Variants in SHISA6 observed in about 807,000 individuals in gnomAD.
The protein encoded by SHISA6 is shisa family member 6, also known as protein shisa-6.
In SHISA6, 22 loss-of-function variants were observed where a neutral mutation model predicts 47.9. That is an observed-to-expected ratio of 0.46 (90% confidence interval 0.33 to 0.66). SHISA6 has a LOEUF of 0.66. SHISA6 is among the 30% of genes least tolerant of loss of function. The probability of loss-of-function intolerance (pLI) is 0.02; values close to 1 mark genes in which losing one functional copy is unlikely to be tolerated. For missense variants in SHISA6, 680 were observed against 764.6 expected, an observed-to-expected ratio of 0.89 and a Z score of 1.30; for synonymous variants, 388 against 337.8, an observed-to-expected ratio of 1.15 and a Z score of -1.63.
At chr17:11,332,744 CA>C (rs1230548920) in intron 2 of SHISA6, among the ~76,000 whole-genome samples, 5 of 152,120 alleles carry the variant, frequency 3.3e-5, no homozygotes, top group Non-Finnish European at 7.3e-5. Flanking sequence ...GGTTGGGGAG[CA>C]TCTAGATGAT....
chr17:11,481,017 G>A (rs1354822967), intron 3 of SHISA6, among the ~76,000 whole-genome samples: 1 of 152,106 alleles, frequency 6.6e-6, no homozygotes, highest in Admixed American at 6.6e-5. Context: ...GGTGGCTTAT[G>A]CCTATAATCC....
At chr17:11,459,027 C>T (rs765303946) in intron 3 of SHISA6, among the ~76,000 whole-genome samples, 4 of 150,122 alleles carry the variant, frequency 2.7e-5, no homozygotes, top group Non-Finnish European at 4.4e-5. Flanking sequence ...CTGGCTAACA[C>T]GGTGAAACCC....
intron 2 of SHISA6, among the ~76,000 whole-genome samples, chr17:11,361,389 T>G (rs1334896928): frequency 1.3e-5 from 2 of 152,170 alleles, no homozygotes; most frequent in Non-Finnish European, 2.9e-5. Flanking sequence ...ATTTAGAAAA[T>G]TTTTAGGGCA....
At chr17:11,270,916 C>T (rs892331574) in intron 2 of SHISA6, among the ~76,000 whole-genome samples, 5 of 152,188 alleles carry the variant, frequency 3.3e-5, no homozygotes, top group Non-Finnish European at 5.9e-5. Flanking sequence ...CCCCTCTTTC[C>T]TTCCCTGAGG....
chr17:11,379,015 C>T (rs78760523), intron 2 of SHISA6, among the ~76,000 whole-genome samples: 7,309 of 151,752 alleles, frequency 0.048, 311 homozygotes, highest in African/African-American at 0.099. Context: ...AAAATCAAGC[C>T]GTGTATCTCG....
At chr17:11,539,045 A>G (rs769538849) in intron 3 of SHISA6, among the ~76,000 whole-genome samples, 8 of 152,152 alleles carry the variant, frequency 5.3e-5, no homozygotes, top group African/African-American at 9.7e-5. Flanking sequence ...GGTTCAAACA[A>G]TTCTCCTGTC....
intron 3 of SHISA6, among the ~76,000 whole-genome samples, chr17:11,542,433 C>G (rs1369377675): frequency 6.6e-6 from 1 of 150,812 alleles, no homozygotes; most frequent in African/African-American, 2.4e-5. Flanking sequence ...CAAACAAAGA[C>G]TGAGAAAATT....
chr17:11,424,290 A>G lies in SHISA6; in HGVS notation c.895+44781A>G, dbSNP rs1266541239. ...ATTCAGACTGGCAGCTGACTTCTCA[A>G]CATACACGATAGTGCCAGATGATGC... is the stretch of plus-strand genomic sequence containing the variant. On this transcript the variant is annotated intron_variant, in intron 3 of 5. Transcript: ENST00000441885. Among the ~76,000 whole-genome samples the G allele has an allele frequency of 2.0e-5, 3 of 152,214 alleles. No homozygotes were observed. In the East Asian group the frequency reaches 5.8e-4, roughly 29 times the overall value.
chr17:11,244,175 G>T (rs1476826356), intron 1 of SHISA6, among the ~76,000 whole-genome samples: 1 of 152,136 alleles, frequency 6.6e-6, no homozygotes, highest in African/African-American at 2.4e-5. Flanking sequence ...TGAATTTCAG[G>T]CCTCAGAGCT....
chr17:11,341,524 G>T (rs1011257878), intron 2 of SHISA6, among the ~76,000 whole-genome samples: 1 of 151,786 alleles, frequency 6.6e-6, no homozygotes, highest in Non-Finnish European at 1.5e-5. Flanking sequence ...TATTAGACAC[G>T]GGGTTTCGCC....
intron 3 of SHISA6, among the ~76,000 whole-genome samples, chr17:11,508,608 T>C (rs2071519673): frequency 8.4e-6 from 1 of 118,700 alleles, no homozygotes; most frequent in Admixed American, 8.9e-5. Context: ...TGCTCCCAGG[T>C]CATTTCTCCT....
intron 2 of SHISA6, among the ~76,000 whole-genome samples, chr17:11,298,321 C>G (rs539945785): frequency 6.6e-6 from 1 of 152,290 alleles, no homozygotes; most frequent in South Asian, 2.1e-4. Context: ...GAGAGGCTGC[C>G]TGGCCAGACT....
intron 2 of SHISA6, among the ~76,000 whole-genome samples, chr17:11,324,742 T>C (rs1954360801): frequency 6.6e-6 from 1 of 152,164 alleles, no homozygotes; most frequent in Admixed American, 6.5e-5. Context: ...CTGTGAGGTA[T>C]GGCATCTAGA....
chr17:11,304,448 TGATGCCTGG>T (rs1295667127), intron 2 of SHISA6, among the ~76,000 whole-genome samples: 7 of 151,742 alleles, frequency 4.6e-5, no homozygotes, highest in African/African-American at 1.7e-4. Context: ...TGGGGAGGAA[TGATGCCTGG>T]GATGCCTGGT....
chr17:11,338,907 C>T (rs1911419684), intron 2 of SHISA6, among the ~76,000 whole-genome samples: 1 of 152,048 alleles, frequency 6.6e-6, no homozygotes, highest in Admixed American at 6.5e-5. Flanking sequence ...AAATGTACAA[C>T]AGTGGGGGAT....
chr17:11,385,433 G>A (rs1049659436), intron 3 of SHISA6, among the ~76,000 whole-genome samples: 12 of 152,192 alleles, frequency 7.9e-5, no homozygotes, highest in Middle Eastern at 3.4e-3. Context: ...TCCACTCTGG[G>A]GAAATGAGAA....
At chr17:11,499,096 A>G (rs999424998) in intron 3 of SHISA6, among the ~76,000 whole-genome samples, 2 of 152,142 alleles carry the variant, frequency 1.3e-5, no homozygotes, top group Admixed American at 1.3e-4. Context: ...CTAAGGATGC[A>G]TGATGAGCAC....
At chr17:11,373,226 T>C (rs1912685538) in intron 2 of SHISA6, among the ~76,000 whole-genome samples, 1 of 151,904 alleles carries the variant, frequency 6.6e-6, no homozygotes, top group African/African-American at 2.4e-5. Context: ...GACTCGTGGG[T>C]ATTTTAGTCC....
intron 1 of SHISA6, among the ~76,000 whole-genome samples, chr17:11,258,778 C>A (rs764938175): frequency 2.2e-4 from 33 of 152,222 alleles, no homozygotes; most frequent in Non-Finnish European, 4.1e-4. Flanking sequence ...ATGTGAATGA[C>A]ACACTAAGGT....
Sources: allele counts gnomAD v4.1 joint callset (sites outside exome capture counted in the v4.1 genomes callset), GRCh38; gene constraint gnomAD v4.1.1; transcripts MANE v1.5; gene names NCBI Gene and HGNC (gene_info 2026-07-23, HGNC 2026-07-21).